SYP: variants seen among roughly 807,000 people sequenced by gnomAD.
SYP encodes major synaptic vesicle protein P38.
A neutral mutation model predicts 24.3 loss-of-function variants in SYP; 2 were observed. The ratio of observed to expected loss-of-function variants is 0.08; its 90% CI spans 0.03 to 0.26. The LOEUF (loss-of-function observed/expected upper bound fraction) is 0.26. SYP is among the 10% of genes least tolerant of loss of function. The pLI is 1.00. For synonymous variants in SYP, 143 were observed against 123.2 expected (o/e 1.16, Z -1.07); for missense variants, 216 against 266.3 (o/e 0.81, Z 1.32).
chrX:49,191,889 C>G, intron 5 of SYP, 126 bp from the exon 6 acceptor site: 1 of 767,773 alleles, frequency 1.3e-6, no homozygotes, highest in East Asian at 3.5e-5. Context: ...AACCCAGACT[C>G]TCTGAGTCCC....
intron 2 of SYP, 121 bp downstream of exon 2, chrX:49,198,847 C>T: frequency 1.2e-6 from 1 of 829,393 alleles, no homozygotes; most frequent in South Asian, 2.2e-5. Flanking sequence ...CCAATTCCCC[C>T]ATCCCCTACA....
intron 4 of SYP, 93 bp downstream of exon 4, chrX:49,194,073 T>A: frequency 9.6e-7 from 1 of 1,036,903 alleles, no homozygotes. Flanking sequence ...CATGTGGGCC[T>A]GTCTGGGATT....
At chrX:49,190,275 A>C (rs1156540045) in intron 6 of SYP, among the ~76,000 whole-genome samples, 12 of 105,346 alleles carry the variant, frequency 1.1e-4, no homozygotes, top group African/African-American at 3.5e-4. Flanking sequence ...CGCCTCCCAG[A>C]TTCAAGCGAT....
At chrX:49,192,971 C>T (rs1299497499) in intron 5 of SYP, among the ~76,000 whole-genome samples, 1 of 111,669 alleles carries the variant, frequency 9.0e-6, no homozygotes, top group Non-Finnish European at 1.9e-5. Flanking sequence ...GTTTTTCCTT[C>T]ATTTTGCACA....
chrX:49,193,404 G>A lies in SYP; in HGVS notation c.483C>T (p.Ala161=). 8.2e-7 allele frequency: 1 copy of A among 1,212,223 alleles called. No individual in the cohort carries two copies. The highest frequency in any genetic ancestry group is 3.0e-5 in the East Asian group (1 of 33,860). ...CCATCTTCACATCTGACAGCCCCTT[G>A]GCCCATGCCGATGAGCTAACTAGCC... ...FMWLVSSSAW[A]KGLSDVKMAT... The change falls in exon 5 of 7, where the codon GCC becomes GCT. Residue 161 remains alanine, a synonymous_variant. Transcript: ENST00000263233.
At chrX:49,197,982 C>T (rs2065534769) in intron 2 of SYP, 143 bp from the exon 3 acceptor site, 16 of 771,638 alleles carry the variant, frequency 2.1e-5, no homozygotes, top group South Asian at 1.2e-4. Flanking sequence ...CAGGGCTCAT[C>T]GGGACCAAGG....
rs1329678826 is a variant in SYP, at chrX:49,191,009, C to CA, written c.*4+423dup. On this transcript the variant is annotated intron_variant, in intron 6 of 6. Coordinates refer to ENST00000263233, the MANE Select transcript of SYP (RefSeq NM_003179.3). ...TTCAAGATCCACGCCCATTTACCCT[C>CA]ACCATCTATTGGCCTTATCACCTAT... 5.5e-5 allele frequency: 10 copies of CA among 182,497 alleles called. No individual in the cohort carries two copies. The East Asian group carries it at 1.3e-3, about 24-fold the overall frequency. The allele number at this position is 182,497 out of a possible 1,213,427, so 15.0% of individuals were successfully genotyped here. A position where few individuals can be genotyped will look rare whatever the true frequency, so the allele number is the denominator to read the frequency against.
chrX:49,193,376 T>C lies in SYP; in HGVS notation c.511A>G (p.Thr171Ala). ...TCCTTGATAATGTTCTCTGGGTCTGTGGCCATCTTCACATCTGACAGCCCC... is the reference window on the plus strand; with the variant it reads ...TCCTTGATAATGTTCTCTGGGTCTGCGGCCATCTTCACATCTGACAGCCCC... ...AKGLSDVKMA[T>A]DPENIIKEMP... The change falls in exon 5 of 7, where the codon ACA becomes GCA. Residue 171 changes from threonine (T) to alanine (A), a missense_variant. Transcript: ENST00000263233. 1 of 1,212,370 alleles carries C rather than the reference T, an allele frequency of 8.2e-7. No homozygotes were observed. Among genetic ancestry groups the C allele is most frequent in the Non-Finnish European group, 1.1e-6 (1 of 895,571 alleles).
chrX:49,191,563 G>A lies in SYP; in HGVS notation c.816C>T (p.Gly272=), dbSNP rs1050214720. ...GTTGACCATAGTCAGGCTGGTAGCC[G>A]CCCTGAGGCCCGTAGGAATCCTGGG... ...YGPQDSYGPQ[G]GYQPDYGQPA... is the part of the protein sequence containing the mutation. The change falls in exon 6 of 7, where the codon GGC becomes GGT. Residue 272 remains glycine (G), a synonymous_variant. Coordinates refer to ENST00000263233, the MANE Select transcript of SYP (RefSeq NM_003179.3). The A allele has an allele frequency of 7.4e-6, 9 of 1,208,887 alleles. No individual in the cohort carries two copies. Among genetic ancestry groups the A allele is most frequent in the Admixed American group, 2.2e-5 (1 of 45,917 alleles).
Position 49,197,756 on chromosome X carries a change from C to G in SYP, c.186G>C (p.Glu62Asp), listed in dbSNP as rs782053308. The change falls in exon 3 of 7, where the codon GAG (glutamate) becomes GAC (aspartate). Residue 62 changes from glutamate (E) to aspartate (D), a missense_variant. Glu to Asp is a conservative substitution (Grantham distance 45, BLOSUM62 2). This residue lies in a region of SYP where 102 missense variants were observed against 158.4 expected (regional missense o/e 0.64). Transcript: ENST00000263233. ...QLSVDCANKT[E>D]SDLSIEVEFE... ...ACTCGACCTCGATGCTGAGGTCACT[C>G]TCGGTCTTGTTGGCACAATCCACGC... The G allele has an allele frequency of 8.3e-7, 1 of 1,208,552 alleles. No homozygotes were observed. Among genetic ancestry groups the G allele is most frequent in the East Asian group, 3.0e-5 (1 of 33,727 alleles).
At position 49,197,058 on chromosome X, in the gene SYP, T is replaced by C. The variant is rs1203545204; in HGVS notation, c.227+657A>G. On this transcript the variant is annotated intron_variant, in intron 3 of 6. Coordinates refer to ENST00000263233, the MANE Select transcript of SYP (RefSeq NM_003179.3). ...TCTTGTTGCCCAGGCTGGAGTGCAA[T>C]GGCGCGATTTCGGCTCCCAGGTTCA... The C allele has an allele frequency of 2.8e-5, 3 of 108,140 alleles. No individual in the cohort carries two copies. In the East Asian group the frequency reaches 8.7e-4, roughly 31 times the overall value. The allele number at this position is 108,140 out of a possible 1,213,427, so 8.9% of individuals were successfully genotyped here. A position where few individuals can be genotyped will look rare whatever the true frequency, so the allele number is the denominator to read the frequency against.
rs1557102493 is a variant in SYP, at chrX:49,190,240, C to T, written c.*5-958G>A. Among the ~76,000 whole-genome samples the T allele has an allele frequency of 3.7e-5, 4 of 108,240 alleles. No homozygotes were observed. In the Admixed American group the frequency reaches 3.9e-4, roughly 11 times the overall value. The allele number at this position is 108,240 out of a possible 115,157, so 94.0% of individuals were successfully genotyped here. On this transcript the variant is annotated intron_variant, in intron 6 of 6. Coordinates refer to ENST00000263233, the MANE Select transcript of SYP (RefSeq NM_003179.3). ...TGTTGCCCAGGCTGGAGTGCAGTGG[C>T]GCAATCTCGACTCACTGGAACCTCC...
chrX:49,197,740 C>T lies in SYP; in HGVS notation c.202G>A (p.Glu68Lys). ...CTGAAGGGGTACTCGAACTCGACCT[C>T]GATGCTGAGGTCACTCTCGGTCTTG... ...ANKTESDLSI[E>K]VEFEYPFRLH... Residue 68 changes from glutamate (E) to lysine (K), a missense_variant, in exon 3 of 7, where the codon GAG (glutamate) becomes AAG (lysine). By Grantham distance (56) the Glu-to-Lys change is moderately conservative. Transcript: ENST00000263233. The T allele has an allele frequency of 1.2e-5, 15 of 1,207,987 alleles. No individual in the cohort carries two copies. The highest frequency in any genetic ancestry group is 1.7e-5 in the Non-Finnish European group (15 of 893,491).
chrX:49,191,282 T>G (rs1284253713), intron 6 of SYP, 151 bp downstream of exon 6: 11 of 608,597 alleles, frequency 1.8e-5, no homozygotes, highest in Non-Finnish European at 2.9e-5. Flanking sequence ...AGCAGGTAGT[T>G]CTGCCTCTTG....
At chrX:49,194,023 C>T (rs2065519840) in intron 4 of SYP, 143 bp downstream of exon 4, 2 of 663,226 alleles carry the variant, frequency 3.0e-6, no homozygotes, top group Non-Finnish European at 4.7e-6. Context: ...GGATTAATAG[C>T]AGCAGCAACT....
intron 1 of SYP, 111 bp downstream of exon 1, chrX:49,200,040 G>A: frequency 1.0e-6 from 1 of 981,019 alleles, no homozygotes; most frequent in Non-Finnish European, 1.4e-6. Context: ...CCGGGGACCG[G>A]GTCTCCGCTG....
rs140440507 is a variant in SYP at position 49,199,012 on chromosome X, G to A, written c.58C>T (p.Arg20Trp). The A allele has an allele frequency of 3.3e-6, 4 of 1,209,512 alleles. No homozygotes were observed. The highest frequency in any genetic ancestry group is 1.8e-5 in the South Asian group (1 of 56,746). Residue 20 changes from arginine to tryptophan, a missense_variant, in exon 2 of 7, where the codon CGG (arginine) becomes TGG (tryptophan). Physicochemically the swap from Arg to Trp is moderately radical, Grantham distance 101. This residue lies in a region of SYP where 102 missense variants were observed against 158.4 expected (regional missense o/e 0.64). Coordinates refer to ENST00000263233, the MANE Select transcript of SYP (RefSeq NM_003179.3). ...VNQLVAGGQF[R>W]VVKEPLGFVK... ...AAGCCGAGGGGCTCCTTGACCACCC[G>A]GAACTGACCCCCAGCCACCAGCTGA...
intron 1 of SYP, 158 bp from the exon 2 acceptor site, chrX:49,199,191 G>T: frequency 1.9e-6 from 1 of 533,121 alleles, no homozygotes. Context: ...TGAGCCCCAG[G>T]GTCCAAGGAC....
At chrX:49,190,489 TCTTTCTTTTTTTCTTC>T (rs1218623529) in intron 6 of SYP, 3 of 58,201 alleles carry the variant, frequency 5.2e-5, no homozygotes, top group African/African-American at 1.7e-4. Flanking sequence ...CTCTTTTCTT[TCTTTCTTTTTTTCTTC>T]CTTTCTTTCT....
Sources: gnomAD v4.1 joint callset for allele counts (sites outside exome capture counted in the v4.1 genomes callset) on GRCh38, gnomAD v4.1.1 for gene constraint, gnomAD v4.1.1 regional missense constraint, MANE v1.5 for transcripts, NCBI Gene and HGNC (gene_info 2026-07-23, HGNC 2026-07-21) for gene names.